The following IL23R variants were observed in gnomAD, a reference collection of about 807,000 sequenced individuals.
The protein encoded by IL23R is interleukin-23 receptor.
In IL23R, 34 loss-of-function variants were observed where a neutral mutation model predicts 56.9. The ratio of observed to expected loss-of-function variants is 0.60; its 90% CI spans 0.45 to 0.80. The LOEUF is 0.80. IL23R is among the 30% of genes least tolerant of loss of function. The pLI, the probability that IL23R is intolerant of heterozygous loss-of-function variation, is 0.00. For synonymous variants in IL23R, 230 were observed against 249.2 expected, an observed-to-expected ratio of 0.92 and a Z score of 0.73; for missense variants, 635 against 730.0, an observed-to-expected ratio of 0.87 and a Z score of 1.50.
At chr1:67,149,372 T>G (rs1267755743) in intron 1 of IL23R, among the ~76,000 whole-genome samples, 1 of 152,160 alleles carries the variant, frequency 6.6e-6, no homozygotes, top group East Asian at 1.9e-4. Context: ...CTAGGGGCTT[T>G]TTAGAGTTCC....
chr1:67,175,114 TGGGGTG>T (rs745367115), intron 3 of IL23R, among the ~76,000 whole-genome samples: 5 of 150,010 alleles, frequency 3.3e-5, no homozygotes, highest in Admixed American at 6.7e-5. Context: ...GTCTTGGGGT[TGGGGTG>T]GGGGTGAGAT....
chr1:67,140,377 C>A (rs894324303), intron 1 of IL23R, among the ~76,000 whole-genome samples: 1 of 152,040 alleles, frequency 6.6e-6, no homozygotes, highest in African/African-American at 2.4e-5. Context: ...TCACTAAGGA[C>A]AAACACCATA....
chr1:67,241,821 A>C (rs1157334666), intron 9 of IL23R, among the ~76,000 whole-genome samples: 10 of 152,310 alleles, frequency 6.6e-5, no homozygotes, highest in Non-Finnish European at 1.3e-4. Context: ...TCATAAACCA[A>C]ACCAAACCAT....
intron 8 of IL23R, among the ~76,000 whole-genome samples, chr1:67,239,479 G>A (rs1570908789): frequency 6.6e-6 from 1 of 152,104 alleles, no homozygotes; most frequent in African/African-American, 2.4e-5. Flanking sequence ...TGCCCAGGTT[G>A]GTCTCAAACT....
At chr1:67,215,062 A>G (rs1649744396) in intron 6 of IL23R, among the ~76,000 whole-genome samples, 1 of 152,266 alleles carries the variant, frequency 6.6e-6, no homozygotes, top group East Asian at 1.9e-4. Context: ...CGACCCTTTC[A>G]TGTGAAATCT....
intron 4 of IL23R, among the ~76,000 whole-genome samples, chr1:67,199,808 A>T (rs1648472490): frequency 2.0e-5 from 3 of 152,102 alleles, no homozygotes; most frequent in Admixed American, 2.0e-4. Context: ...TTATTTTTTA[A>T]AATTGTGAAA....
At chr1:67,214,923 C>G (rs913561482) in intron 6 of IL23R, among the ~76,000 whole-genome samples, 50 of 152,190 alleles carry the variant, frequency 3.3e-4, no homozygotes, top group African/African-American at 1.2e-3. Flanking sequence ...ACTTAGAAAG[C>G]GATGTTATTC....
intron 7 of IL23R, among the ~76,000 whole-genome samples, chr1:67,222,405 T>A (rs1650345084): frequency 6.6e-6 from 1 of 152,144 alleles, no homozygotes; most frequent in South Asian, 2.1e-4. Flanking sequence ...GCGTGAGCCA[T>A]GGCACCCAGC....
At chr1:67,145,324 G>A (rs1303094745) in intron 1 of IL23R, among the ~76,000 whole-genome samples, 2 of 152,090 alleles carry the variant, frequency 1.3e-5, no homozygotes, top group African/African-American at 2.4e-5. Context: ...TCCAGCCTGG[G>A]CAACAAGAGC....
chr1:67,230,800 A>G (rs566286671), intron 7 of IL23R, among the ~76,000 whole-genome samples: 18 of 152,246 alleles, frequency 1.2e-4, no homozygotes, highest in Non-Finnish European at 8.8e-5. Flanking sequence ...TCTGGTGCCT[A>G]TTTGATATGT....
intron 1 of IL23R, among the ~76,000 whole-genome samples, chr1:67,156,235 G>A (rs535956010): frequency 6.0e-4 from 92 of 152,282 alleles, no homozygotes; most frequent in African/African-American, 2.1e-3. Flanking sequence ...GTCGACCCCC[G>A]TTGGGAGGTC....
Position 67,224,668 on chromosome 1 carries a change from T to C in IL23R, c.955+4938T>C, listed in dbSNP as rs544262592. ...ACTTATAATCAACTTTAATGACTTA[T>C]TCTCTTTTTCTTACTTAGAGTATTT... On this transcript the variant is annotated intron_variant, in intron 7 of 10. Transcript: ENST00000347310. 1.5e-4 allele frequency among the ~76,000 whole-genome samples: 23 copies of C among 152,344 alleles called. 1 individual carries two copies. In the South Asian group the frequency reaches 4.8e-3, roughly 32 times the overall value.
chr1:67,255,447 A>AT (rs910190194), intron 9 of IL23R, among the ~76,000 whole-genome samples: 16 of 150,638 alleles, frequency 1.1e-4, no homozygotes, highest in East Asian at 3.9e-4. Context: ...TCTTTAATTA[A>AT]TTTTTTTTTT....
intron 1 of IL23R, among the ~76,000 whole-genome samples, chr1:67,158,461 CT>C (rs1384438064): frequency 2.0e-5 from 3 of 152,108 alleles, no homozygotes; most frequent in African/African-American, 7.2e-5. Flanking sequence ...TAGTTTTGAA[CT>C]TATATTTATA....
At chr1:67,190,991 C>G (rs557687828) in intron 4 of IL23R, among the ~76,000 whole-genome samples, 1 of 152,274 alleles carries the variant, frequency 6.6e-6, no homozygotes, top group East Asian at 1.9e-4. Flanking sequence ...CTTTAGGACT[C>G]AAAATGTAGT....
intron 9 of IL23R, 29 bp downstream of exon 9, chr1:67,240,310 G>C: frequency 7.0e-7 from 1 of 1,428,332 alleles, no homozygotes; most frequent in East Asian, 2.3e-5. Context: ...TCTGTTTTCT[G>C]ATTTAGACTA....
In IL23R at chr1:67,169,310, G is replaced by A. The variant is rs563091335; in HGVS notation, c.71-32G>A. The A allele has an allele frequency of 1.2e-4, 172 of 1,461,682 alleles. 1 individual carries two copies. The highest frequency in any genetic ancestry group is 5.6e-4 in the African/African-American group (40 of 71,078). The allele number at this position is 1,461,682 out of a possible 1,614,324, so 90.5% of individuals were successfully genotyped here. ...TGAATCTCTTGATTTAATGTTTTACGTGTAATTTATTATTTTTCCATTTAT... is the reference window on the plus strand; with the variant it reads ...TGAATCTCTTGATTTAATGTTTTACATGTAATTTATTATTTTTCCATTTAT... On this transcript the variant is annotated intron_variant, in intron 2 of 10. Coordinates refer to ENST00000347310, the MANE Select transcript of IL23R (RefSeq NM_144701.3).
chr1:67,193,454 A>T (rs1054055819), intron 4 of IL23R, among the ~76,000 whole-genome samples: 8 of 152,224 alleles, frequency 5.3e-5, no homozygotes, highest in African/African-American at 1.9e-4. Context: ...ATATTTATTG[A>T]ATGAGTGATT....
chr1:67,155,464 T>C (rs1031244068), intron 1 of IL23R, among the ~76,000 whole-genome samples: 2 of 152,218 alleles, frequency 1.3e-5, no homozygotes, highest in Non-Finnish European at 2.9e-5. Flanking sequence ...CATAGTCCCA[T>C]ATTTTTTGGA....
Sources: gnomAD v4.1 joint callset for allele counts (sites outside exome capture counted in the v4.1 genomes callset) on GRCh38, gnomAD v4.1.1 for gene constraint, MANE v1.5 for transcripts, NCBI Gene and HGNC (gene_info 2026-07-23, HGNC 2026-07-21) for gene names.